Variants in PLD5 observed in about 807,000 individuals in gnomAD.
The protein encoded by PLD5 is inactive phospholipase D5.
In PLD5, 36 loss-of-function variants were observed where a neutral mutation model predicts 61.1. The observed-to-expected ratio is 0.59, with a 90% CI of 0.45 to 0.78. The LOEUF is 0.78. PLD5 is among the 30% of genes least tolerant of loss of function. The pLI is 0.00. For synonymous variants in PLD5, 243 were observed against 242.8 expected (o/e 1.00, Z -0.01); for missense variants, 515 against 644.4 (o/e 0.80, Z 2.17).
intron 5 of PLD5, among the ~76,000 whole-genome samples, chr1:242,204,555 G>A (rs976302815): frequency 6.6e-6 from 1 of 152,088 alleles, no homozygotes; most frequent in Non-Finnish European, 1.5e-5. Flanking sequence ...AGTGCCTCTG[G>A]CATTCCCCTG....
At chr1:242,270,515 C>T (rs568735691) in intron 3 of PLD5, among the ~76,000 whole-genome samples, 6 of 152,124 alleles carry the variant, frequency 3.9e-5, no homozygotes, top group African/African-American at 1.2e-4. Flanking sequence ...ATGTTAAAGT[C>T]GGAAAAGGAA....
chr1:242,529,778 T>TCTTCCTTCCTTCCTTCCTTCCTTCCTTC, the PLD5 span, among the ~76,000 whole-genome samples: 39 of 129,870 alleles, frequency 3.0e-4, no homozygotes, highest in Non-Finnish European at 4.8e-4. Flanking sequence ...GGCACTGGGA[T>TCTTCCTTCCTTCCTTCCTTCCTTCCTTC]CTTCCTTCCT....
At chr1:242,364,441 G>A (rs1267629671) in intron 1 of PLD5, among the ~76,000 whole-genome samples, 1 of 152,218 alleles carries the variant, frequency 6.6e-6, no homozygotes, top group Non-Finnish European at 1.5e-5. Context: ...AGAAAGCCAG[G>A]AGCAGTGGCT....
intron 5 of PLD5, among the ~76,000 whole-genome samples, chr1:242,210,989 T>G (rs555761788): frequency 6.6e-6 from 1 of 152,232 alleles, no homozygotes; most frequent in South Asian, 2.1e-4. Flanking sequence ...CTAGCTGAGG[T>G]TGGTTCATGA....
chr1:242,268,168 A>G (rs1435447910), intron 3 of PLD5, among the ~76,000 whole-genome samples: 1 of 152,114 alleles, frequency 6.6e-6, no homozygotes, highest in East Asian at 1.9e-4. Context: ...CACTCCTCCA[A>G]GGAGTCCATT....
At position 242,348,871 on chromosome 1, in the gene PLD5, G is replaced by T. The variant is rs572630046; in HGVS notation, c.190-629C>A. 2.5e-4 allele frequency among the ~76,000 whole-genome samples: 38 copies of T among 152,238 alleles called. No homozygotes were observed. The South Asian group carries it at 7.5e-3, about 30-fold the overall frequency. ...AGATCAAGACCGTCCTGGCTAACAC[G>T]GTGAAACCCTGTCTCTACTAAAAAT... On this transcript the variant is annotated intron_variant, in intron 1 of 9. Transcript: ENST00000536534.
At chr1:242,128,861 A>G (rs1663011569) in intron 5 of PLD5, among the ~76,000 whole-genome samples, 1 of 152,290 alleles carries the variant, frequency 6.6e-6, no homozygotes, top group Admixed American at 6.5e-5. Flanking sequence ...GGTATATTTC[A>G]TAAGATTGCT....
intron 3 of PLD5, among the ~76,000 whole-genome samples, chr1:242,277,962 G>A (rs1211622233): frequency 6.6e-5 from 10 of 152,154 alleles, no homozygotes; most frequent in Non-Finnish European, 1.3e-4. Flanking sequence ...CAGCCTGGGT[G>A]ACAGAGTGAG....
intron 1 of PLD5, among the ~76,000 whole-genome samples, chr1:242,457,250 C>A (rs1666972144): frequency 6.6e-6 from 1 of 152,020 alleles, no homozygotes; most frequent in South Asian, 2.1e-4. Context: ...GCCCACAAGC[C>A]CAAGCTATTG....
chr1:242,262,444 T>G (rs1673429039), intron 4 of PLD5, among the ~76,000 whole-genome samples: 1 of 152,238 alleles, frequency 6.6e-6, no homozygotes, highest in African/African-American at 2.4e-5. Context: ...TTTTATTGCA[T>G]GCATGATATT....
chr1:242,385,867 C>A (rs1662569360), intron 1 of PLD5, among the ~76,000 whole-genome samples: 1 of 152,178 alleles, frequency 6.6e-6, no homozygotes. Context: ...AAATGCCATA[C>A]ACTGAGTGTA....
intron 4 of PLD5, among the ~76,000 whole-genome samples, chr1:242,263,515 A>G (rs149163345): frequency 0.068 from 10,266 of 150,766 alleles, 420 homozygotes; most frequent in Middle Eastern, 0.12. Context: ...AGACTTATAC[A>G]TGTTCTACAT....
chr1:242,435,042 C>T (rs1665922913), intron 1 of PLD5, among the ~76,000 whole-genome samples: 1 of 138,514 alleles, frequency 7.2e-6, no homozygotes, highest in South Asian at 2.2e-4. Flanking sequence ...CACTCCCCAG[C>T]CCTTGTTTTT....
chr1:242,521,847 C>T (rs924919962), intron 1 of PLD5, among the ~76,000 whole-genome samples: 20 of 152,116 alleles, frequency 1.3e-4, no homozygotes, highest in African/African-American at 4.6e-4. Flanking sequence ...TACCAGGTTA[C>T]ATTTGTTATA....
intron 1 of PLD5, among the ~76,000 whole-genome samples, chr1:242,449,846 C>T (rs71652411): frequency 7.9e-5 from 12 of 152,240 alleles, no homozygotes; most frequent in African/African-American, 2.4e-4. Flanking sequence ...TAGACAAAGA[C>T]GAGCGAAGAG....
At chr1:242,366,830 T>A (rs928866841) in intron 1 of PLD5, among the ~76,000 whole-genome samples, 3 of 152,128 alleles carry the variant, frequency 2.0e-5, no homozygotes, top group African/African-American at 7.2e-5. Flanking sequence ...GATGAATAAG[T>A]GAATAAATTA....
rs185890873 is a variant in PLD5, at chr1:242,304,827, G to A, written c.327-16297C>T. Among the ~76,000 whole-genome samples, 699 of 152,330 alleles carry A rather than the reference G, an allele frequency of 4.6e-3. 6 individuals are homozygous for A. Among genetic ancestry groups the A allele is most frequent in the African/African-American group, 0.015 (641 of 41,566 alleles). On this transcript the variant is annotated intron_variant, in intron 2 of 9. Transcript: ENST00000536534. ...TTGGTAATGAAAATAATTGTGAGCT[G>A]GATTGGTGGCTCATACCTGTTATCC...
intron 1 of PLD5, among the ~76,000 whole-genome samples, chr1:242,406,331 G>A (rs187849723): frequency 3.3e-5 from 5 of 152,286 alleles, no homozygotes; most frequent in Admixed American, 2.0e-4. Context: ...TTCAATCCCC[G>A]GTTGCTTCCA....
chr1:242,354,110 T>G (rs1217407929), intron 1 of PLD5, among the ~76,000 whole-genome samples: 1 of 151,898 alleles, frequency 6.6e-6, no homozygotes, highest in Non-Finnish European at 1.5e-5. Context: ...CAGGATAAAG[T>G]GAAGAAACTG....
Sources: allele counts gnomAD v4.1 joint callset (sites outside exome capture counted in the v4.1 genomes callset), GRCh38; gene constraint gnomAD v4.1.1; transcripts MANE v1.5; gene names NCBI Gene and HGNC (gene_info 2026-07-23, HGNC 2026-07-21).